CEP57L1: variants seen among roughly 807,000 people sequenced by gnomAD.
CEP57L1 encodes the protein centrosomal protein 57 like 1.
CEP57L1 carries 37 observed loss-of-function variants against 61.0 expected under a neutral mutation model. The ratio of observed to expected loss-of-function variants is 0.61; its 90% CI spans 0.47 to 0.80. CEP57L1 has a LOEUF of 0.80. CEP57L1 is among the 30% of genes least tolerant of loss of function. CEP57L1 has a pLI of 0.00. For synonymous variants in CEP57L1, 137 were observed against 162.3 expected (o/e 0.84, Z 1.19); for missense variants, 422 against 524.7 (o/e 0.80, Z 1.91).
rs772945491 is a variant in CEP57L1 at position 109,138,888 on chromosome 6, G to A, written c.-3-6331G>A. ...ATACTATGAACAATTCTTTTCCTTC[G>A]TCATAGTTTCATGGATAGAAGATTC... On this transcript the variant is annotated intron_variant, in intron 1 of 10. Coordinates refer to ENST00000517392, the MANE Select transcript of CEP57L1 (RefSeq NM_001271852.3). Among the ~76,000 whole-genome samples, 23 of 152,164 alleles carry A rather than the reference G, an allele frequency of 1.5e-4. No homozygotes were observed. In the Middle Eastern group the frequency reaches 0.01, roughly 68 times the overall value.
intron 3 of CEP57L1, among the ~76,000 whole-genome samples, chr6:109,149,380 C>T (rs898038449): frequency 6.6e-5 from 10 of 152,158 alleles, no homozygotes; most frequent in Non-Finnish European, 1.2e-4. Flanking sequence ...ATAGGGAATC[C>T]TTTCCCCGTT....
At chr6:109,130,528 G>A (rs113614813) in intron 1 of CEP57L1, among the ~76,000 whole-genome samples, 5 of 151,280 alleles carry the variant, frequency 3.3e-5, no homozygotes, top group African/African-American at 7.3e-5. Flanking sequence ...GTGCTTCTAC[G>A]AACATAGGTA....
intron 1 of CEP57L1, among the ~76,000 whole-genome samples, chr6:109,121,261 C>T (rs942950957): frequency 4.6e-5 from 7 of 152,160 alleles, no homozygotes; most frequent in East Asian, 1.9e-4. Context: ...CATCTAGCAA[C>T]TCATTTGGAT....
At position 109,144,748 on chromosome 6, in the gene CEP57L1, C is replaced by G. The variant is rs115776920; in HGVS notation, c.-3-471C>G. Among the ~76,000 whole-genome samples the G allele has an allele frequency of 7.9e-3, 1,200 of 152,104 alleles. 20 individuals carry two copies. Among genetic ancestry groups the G allele is most frequent in the African/African-American group, 0.028 (1,153 of 41,502 alleles). ...CCGATATTTCATATATCCAAAATTACCCTTGAAAATCCCTTAGGAAGCCAT... is the reference window on the plus strand; with the variant it reads ...CCGATATTTCATATATCCAAAATTAGCCTTGAAAATCCCTTAGGAAGCCAT... On this transcript the variant is annotated intron_variant, in intron 1 of 10. Transcript: ENST00000517392.
chr6:109,154,609 A>G (rs1252002637), intron 5 of CEP57L1, among the ~76,000 whole-genome samples: 2 of 152,124 alleles, frequency 1.3e-5, no homozygotes, highest in African/African-American at 4.8e-5. Flanking sequence ...CTTTTTGAAC[A>G]CTAATAATAA....
At chr6:109,152,973 T>C (rs1220881986) in intron 4 of CEP57L1, among the ~76,000 whole-genome samples, 1 of 148,772 alleles carries the variant, frequency 6.7e-6, no homozygotes, top group Non-Finnish European at 1.5e-5. Context: ...GTGTAGGGCA[T>C]GGTGGCAGGC....
rs146437777 is a variant in CEP57L1 at position 109,172,208 on chromosome 6, C to G, written c.*9238C>G. Among the ~76,000 whole-genome samples the G allele has an allele frequency of 4.0e-3, 604 of 152,254 alleles. 3 individuals are homozygous for G. The highest frequency in any genetic ancestry group is 0.014 in the Middle Eastern group (4 of 294). ...CTCAGCAGACAGACCATAATTCTCTCAGCAACAATGTGTGACAACATTCTT... is the reference window on the plus strand; with the variant it reads ...CTCAGCAGACAGACCATAATTCTCTGAGCAACAATGTGTGACAACATTCTT... On this transcript the variant is annotated 3_prime_UTR_variant, in exon 11 of 11. Transcript: ENST00000517392.
At chr6:109,145,028 T>TA (rs1159145446) in intron 1 of CEP57L1, among the ~76,000 whole-genome samples, 191 bp from the exon 2 acceptor site, 1 of 152,032 alleles carries the variant, frequency 6.6e-6, no homozygotes. Context: ...CAGTACTGCT[T>TA]ACACAAGAAA....
intron 1 of CEP57L1, among the ~76,000 whole-genome samples, chr6:109,112,580 T>C (rs1771790798): frequency 1.3e-5 from 2 of 152,194 alleles, no homozygotes; most frequent in African/African-American, 4.8e-5. Context: ...CTGTGGCTTC[T>C]CTAGTTCTTT....
rs1773630987 is a variant in CEP57L1 at position 109,160,608 on chromosome 6, T to G, written c.1053T>G (p.Thr351=). The G allele has an allele frequency of 6.2e-7, 1 of 1,605,940 alleles. No homozygotes were observed. Among genetic ancestry groups the G allele is most frequent in the African/African-American group, 1.3e-5 (1 of 74,370 alleles). The change falls in exon 10 of 11, where the codon ACT becomes ACG. Residue 351 remains threonine, a synonymous_variant. Coordinates refer to ENST00000517392, the MANE Select transcript of CEP57L1 (RefSeq NM_001271852.3). ...HQELLKQMKE[T]ESHSVCDDIE... is the part of the protein sequence containing the mutation. Reference sequence around the variant, plus strand: ...AACTACTGAAACAAATGAAGGAAACTGAAAGTCATTCAGTCTGTGACGACA... The same window carrying G: ...AACTACTGAAACAAATGAAGGAAACGGAAAGTCATTCAGTCTGTGACGACA...
intron 1 of CEP57L1, among the ~76,000 whole-genome samples, chr6:109,116,078 A>C (rs935543859): frequency 6.8e-6 from 1 of 146,778 alleles, no homozygotes; most frequent in Non-Finnish European, 1.5e-5. Flanking sequence ...TTTCCTCCCT[A>C]TTAAGCATTT....
Position 109,128,067 on chromosome 6 carries a change from T to G in CEP57L1, c.-3-17152T>G, listed in dbSNP as rs113280701. Among the ~76,000 whole-genome samples the G allele has an allele frequency of 4.7e-3, 718 of 152,308 alleles. 2 individuals carry two copies. Among genetic ancestry groups the G allele is most frequent in the African/African-American group, 0.015 (606 of 41,560 alleles). On this transcript the variant is annotated intron_variant, in intron 1 of 10. Transcript: ENST00000517392. ...ACACAATGCACACACTGAAAATTGC[T>G]GTTCTTTATACTGTCCTTGGGTGAT...
intron 1 of CEP57L1, among the ~76,000 whole-genome samples, chr6:109,109,635 C>A (rs1406296248): frequency 6.6e-6 from 1 of 152,108 alleles, no homozygotes; most frequent in Non-Finnish European, 1.5e-5. Flanking sequence ...TGGTTTGCTG[C>A]ACCCATCAAC....
intron 1 of CEP57L1, among the ~76,000 whole-genome samples, chr6:109,106,377 G>T (rs553833168): frequency 1.3e-5 from 2 of 152,116 alleles, no homozygotes; most frequent in Admixed American, 6.5e-5. Flanking sequence ...TTGTCCCTTT[G>T]TCAGGATCTC....
intron 1 of CEP57L1, among the ~76,000 whole-genome samples, chr6:109,114,256 G>C (rs547879116): frequency 2.0e-5 from 3 of 152,074 alleles, no homozygotes; most frequent in Non-Finnish European, 4.4e-5. Context: ...CAATCTGACA[G>C]GTATGAGCTG....
chr6:109,149,247 T>C (rs548561873), intron 3 of CEP57L1, among the ~76,000 whole-genome samples: 1 of 152,292 alleles, frequency 6.6e-6, no homozygotes, highest in Non-Finnish European at 1.5e-5. Flanking sequence ...GTTTTTATGG[T>C]TTTAGGTCTA....
At chr6:109,152,371 A>T (rs896240112) in intron 4 of CEP57L1, among the ~76,000 whole-genome samples, 1 of 151,964 alleles carries the variant, frequency 6.6e-6, no homozygotes, top group South Asian at 2.1e-4. Context: ...TAGTAGAGAC[A>T]GGGTTTTGCC....
intron 3 of CEP57L1, among the ~76,000 whole-genome samples, chr6:109,149,422 T>G (rs1325586916): frequency 6.6e-6 from 1 of 152,204 alleles, no homozygotes; most frequent in Non-Finnish European, 1.5e-5. Context: ...AAAGATCAGA[T>G]GGTTGTAGAT....
intron 1 of CEP57L1, 56 bp downstream of exon 1, chr6:109,095,631 A>C (rs1359179314): frequency 1.0e-6 from 1 of 967,746 alleles, no homozygotes; most frequent in Non-Finnish European, 1.2e-6. Flanking sequence ...TCCTTCCTCC[A>C]TTTCCTCTGG....
Sources: gnomAD v4.1 joint callset for allele counts (sites outside exome capture counted in the v4.1 genomes callset) on GRCh38, gnomAD v4.1.1 for gene constraint, MANE v1.5 for transcripts, NCBI Gene and HGNC (gene_info 2026-07-23, HGNC 2026-07-21) for gene names.